The following MECOM variants were observed in gnomAD, a reference collection of about 807,000 sequenced individuals.
MECOM encodes the protein MDS1 and EVI1 complex locus, also known as histone-lysine N-methyltransferase MECOM.
MECOM carries 13 observed loss-of-function variants against 116.3 expected under a neutral mutation model. The ratio of observed to expected loss-of-function variants is 0.11; its 90% CI spans 0.07 to 0.18. MECOM has a LOEUF of 0.18. MECOM is among the 10% of genes least tolerant of loss of function. MECOM has a pLI of 1.00. For missense variants in MECOM, 1,299 were observed against 1,509.0 expected (o/e 0.86, Z 2.31); for synonymous variants, 528 against 535.2 (o/e 0.99, Z 0.19).
intron 1 of MECOM, among the ~76,000 whole-genome samples, chr3:169,501,096 C>T (rs937621415): frequency 2.0e-5 from 3 of 151,994 alleles, no homozygotes; most frequent in Admixed American, 1.3e-4. Context: ...GGTACCTATA[C>T]AATCAGGCCC....
chr3:169,462,715 C>G (rs935083759), intron 1 of MECOM, among the ~76,000 whole-genome samples: 1 of 152,142 alleles, frequency 6.6e-6, no homozygotes, highest in African/African-American at 2.4e-5. Context: ...TTCTTTCAAA[C>G]TCAACAAGTA....
At chr3:169,645,584 T>C (rs1468737433) in intron 1 of MECOM, among the ~76,000 whole-genome samples, 1 of 152,186 alleles carries the variant, frequency 6.6e-6, no homozygotes, top group African/African-American at 2.4e-5. Context: ...TCCACAAACA[T>C]CCACTCTCTT....
At chr3:169,117,910 T>C (rs1401637804) in intron 7 of MECOM, among the ~76,000 whole-genome samples, 1 of 76,730 alleles carries the variant, frequency 1.3e-5, no homozygotes, top group African/African-American at 5.2e-5. Context: ...CCACGTTATG[T>C]GTGAGCTTAT....
chr3:169,609,471 G>A (rs1302924182), intron 1 of MECOM, among the ~76,000 whole-genome samples: 1 of 130,010 alleles, frequency 7.7e-6, no homozygotes, highest in African/African-American at 3.0e-5. Flanking sequence ...TTTTTTTTTT[G>A]CAATTTAAGT....
chr3:169,657,104 G>T (rs1026744386), intron 1 of MECOM, among the ~76,000 whole-genome samples: 12 of 152,164 alleles, frequency 7.9e-5, no homozygotes, highest in Non-Finnish European at 1.6e-4. Context: ...TAGGGAAGGG[G>T]GATCTGTATT....
At chr3:169,112,669 C>T in intron 9 of MECOM, 118 bp downstream of exon 9, 5 of 773,018 alleles carry the variant, frequency 6.5e-6, no homozygotes, top group South Asian at 1.8e-5. Flanking sequence ...TGTGTTCTTC[C>T]ACACCAGCGT....
intron 2 of MECOM, among the ~76,000 whole-genome samples, chr3:169,318,470 C>T (rs964802775): frequency 6.6e-5 from 10 of 152,142 alleles, no homozygotes; most frequent in Non-Finnish European, 1.0e-4. Context: ...TATGAACAGA[C>T]ACTTCTCAAA....
chr3:169,290,572 T>C (rs1488067038), intron 2 of MECOM, among the ~76,000 whole-genome samples: 1 of 152,160 alleles, frequency 6.6e-6, no homozygotes, highest in Non-Finnish European at 1.5e-5. Context: ...GACAGCCACA[T>C]ACACAGATTT....
chr3:169,588,344 T>A (rs1277143427), intron 1 of MECOM, among the ~76,000 whole-genome samples: 4 of 152,172 alleles, frequency 2.6e-5, no homozygotes, highest in Non-Finnish European at 5.9e-5. Flanking sequence ...CATAGAGATT[T>A]TTGTGGGTGA....
At position 169,638,747 on chromosome 3, in the gene MECOM, G is replaced by A. The variant is rs529328386; in HGVS notation, c.37+24589C>T. Among the ~76,000 whole-genome samples, 15 of 152,272 alleles carry A rather than the reference G, an allele frequency of 9.9e-5. No homozygotes were observed. The South Asian group carries it at 1.0e-3, about 11-fold the overall frequency. On this transcript the variant is annotated intron_variant, in intron 1 of 16. Coordinates refer to ENST00000651503, the MANE Select transcript of MECOM (RefSeq NM_004991.4). ...TCCATTTATCTCCCTTTTGTGCTGCGTGGGTGGGATTAACATCCGTGGCAG... is the reference window on the plus strand; with the variant it reads ...TCCATTTATCTCCCTTTTGTGCTGCATGGGTGGGATTAACATCCGTGGCAG...
At chr3:169,623,074 C>A (rs149087315) in intron 1 of MECOM, among the ~76,000 whole-genome samples, 1 of 152,160 alleles carries the variant, frequency 6.6e-6, no homozygotes, top group Non-Finnish European at 1.5e-5. Flanking sequence ...TGAGATTTGT[C>A]AAGTCACAAT....
intron 1 of MECOM, among the ~76,000 whole-genome samples, chr3:169,422,878 C>T (rs1739996960): frequency 6.6e-6 from 1 of 151,990 alleles, no homozygotes; most frequent in South Asian, 2.1e-4. Context: ...AAATAAAATA[C>T]TACCAATTTT....
intron 2 of MECOM, among the ~76,000 whole-genome samples, chr3:169,268,100 CCAAA>C (rs1758529487): frequency 6.6e-6 from 1 of 152,104 alleles, no homozygotes; most frequent in Admixed American, 6.6e-5. Flanking sequence ...TGGAAACAAT[CCAAA>C]CAATCTTTCT....
intron 1 of MECOM, among the ~76,000 whole-genome samples, chr3:169,606,545 C>A (rs545084800): frequency 3.3e-5 from 5 of 152,248 alleles, no homozygotes; most frequent in African/African-American, 1.2e-4. Flanking sequence ...AGTTAGCATA[C>A]AGACTAAGCT....
rs193181537 is a variant in MECOM at position 169,500,075 on chromosome 3, A to G, written c.38-118551T>C. ...AATCAGTTACATTTTATAGTTTTTA[A>G]ATAATGTTTAATAATTTAACAGTAG... On this transcript the variant is annotated intron_variant, in intron 1 of 16. Transcript: ENST00000651503. Among the ~76,000 whole-genome samples, 141 of 152,178 alleles carry G rather than the reference A, an allele frequency of 9.3e-4. 1 individual carries two copies. The highest frequency in any genetic ancestry group is 3.4e-3 in the African/African-American group (140 of 41,564).
chr3:169,609,593 A>T (rs921013641), intron 1 of MECOM, among the ~76,000 whole-genome samples: 4 of 152,176 alleles, frequency 2.6e-5, no homozygotes, highest in Admixed American at 2.0e-4. Context: ...AAGCTTCTGT[A>T]AAAGGTCTTG....
intron 2 of MECOM, among the ~76,000 whole-genome samples, chr3:169,312,351 C>T (rs1055674777): frequency 6.8e-6 from 1 of 147,860 alleles, no homozygotes; most frequent in Admixed American, 6.8e-5. Flanking sequence ...TGAGAAGAGG[C>T]AAGAATGACT....
At chr3:169,204,313 T>C (rs1749616278) in intron 2 of MECOM, among the ~76,000 whole-genome samples, 1 of 152,248 alleles carries the variant, frequency 6.6e-6, no homozygotes, top group South Asian at 2.1e-4. Flanking sequence ...GCTACGTTTA[T>C]AGAATTTTGT....
chr3:169,484,065 T>C (rs1054721121), intron 1 of MECOM: 15 of 1,025,736 alleles, frequency 1.5e-5, no homozygotes, highest in Non-Finnish European at 2.2e-5. Context: ...AACCTATAGC[T>C]ACCAGGCATT....
Sources: allele counts gnomAD v4.1 joint callset (sites outside exome capture counted in the v4.1 genomes callset), GRCh38; gene constraint gnomAD v4.1.1; transcripts MANE v1.5; gene names NCBI Gene and HGNC (gene_info 2026-07-23, HGNC 2026-07-21).